ATP8B3: variants seen among roughly 807,000 people sequenced by gnomAD.
The protein encoded by ATP8B3 is ATPase phospholipid transporting 8B3, also known as phospholipid-transporting ATPase IK.
Under a neutral mutation model 140.9 loss-of-function variants are expected in ATP8B3, and 141 were observed. The ratio of observed to expected loss-of-function variants is 1.00; its 90% CI spans 0.87 to 1.15. The LOEUF (loss-of-function observed/expected upper bound fraction) is 1.15. Among genes scored for constraint, ATP8B3 ranks in the 50% most tolerant of loss-of-function variants. ATP8B3 has a pLI of 0.00. For synonymous variants in ATP8B3, 765 were observed against 714.6 expected (o/e 1.07, Z -1.13); for missense variants, 1,874 against 1,740.6 (o/e 1.08, Z -1.36).
At chr19:1,809,862 C>G in intron 3 of ATP8B3, 128 bp from the exon 4 acceptor site, 2 of 795,146 alleles carry the variant, frequency 2.5e-6, no homozygotes, top group East Asian at 2.7e-5. Flanking sequence ...TGTCAGAGCC[C>G]GTAAACAGAC....
chr19:1,789,707 C>A lies in ATP8B3; in HGVS notation c.2499G>T (p.Leu833=). The change falls in exon 23 of 29, where the codon CTG becomes CTT. Residue 833 remains leucine, a synonymous_variant. Coordinates refer to ENST00000310127, the MANE Select transcript of ATP8B3 (RefSeq NM_138813.4). ...GDFLDKLLVS[L]RKEPRALAQN... is the part of the protein sequence containing the mutation. ...GCGCCAGGGCGCGCGGCTCCTTCCGCAGGGACACCAGCAGTTTGTCCTGGC... is the reference window on the plus strand; with the variant it reads ...GCGCCAGGGCGCGCGGCTCCTTCCGAAGGGACACCAGCAGTTTGTCCTGGC... 6.3e-7 allele frequency: 1 copy of A among 1,578,998 alleles called. No homozygotes were observed. The highest frequency in any genetic ancestry group is 8.6e-7 in the Non-Finnish European group (1 of 1,165,814).
At position 1,782,991 on chromosome 19, in the gene ATP8B3, G is replaced by A. The variant is rs2068199581; in HGVS notation, c.*37C>T. 6.4e-7 allele frequency: 1 copy of A among 1,570,818 alleles called. No homozygotes were observed. The highest frequency in any genetic ancestry group is 1.2e-5 in the South Asian group (1 of 85,650). On this transcript the variant is annotated 3_prime_UTR_variant, in exon 29 of 29. Coordinates refer to ENST00000310127, the MANE Select transcript of ATP8B3 (RefSeq NM_138813.4). Reference sequence around the variant, plus strand: ...GAGGACACCTGCCCCTGTGGCTGGTGCTTCTTCTTCCCCAGGAAGGACATC... The same window carrying A: ...GAGGACACCTGCCCCTGTGGCTGGTACTTCTTCTTCCCCAGGAAGGACATC...
At chr19:1,788,787 C>T in intron 24 of ATP8B3, 110 bp downstream of exon 24, 2 of 1,088,542 alleles carry the variant, frequency 1.8e-6, no homozygotes, top group Non-Finnish European at 1.3e-6. Context: ...GCCCTGTCCA[C>T]CGAGGATCCC....
Position 1,802,601 on chromosome 19 carries a change from C to A in ATP8B3, c.949G>T (p.Val317Leu). The A allele has an allele frequency of 6.2e-7, 1 of 1,611,914 alleles. No individual in the cohort carries two copies. Among genetic ancestry groups the A allele is most frequent in the Non-Finnish European group, 8.5e-7 (1 of 1,179,610 alleles). Residue 317 changes from valine to leucine, a missense_variant, in exon 11 of 29, where the codon GTG becomes TTG. Coordinates refer to ENST00000310127, the MANE Select transcript of ATP8B3 (RefSeq NM_138813.4). ...TTGTCATTCCATTCCAGGCACCCCA[C>A]GAAGTGGTGCATCCGACTGTTAGGC... is the stretch of plus-strand genomic sequence containing the variant. ...EAPNSRMHHF[V>L]GCLEWNDKKY...
In ATP8B3 at chr19:1,807,171, G is replaced by A; in HGVS notation, c.612C>T (p.Asp204=). The A allele has an allele frequency of 6.2e-7, 1 of 1,611,720 alleles. No homozygotes were observed. Among genetic ancestry groups the A allele is most frequent in the Non-Finnish European group, 8.5e-7 (1 of 1,179,000 alleles). ...AGCTGCATCCAACAGCACTCACCAT[G>A]TCGTCCACCAGGTCCCGGGTGGCAC... ...FIRATRDLVD[D]MGRHKSDRAI... Residue 204 remains aspartate (D), a synonymous_variant, in exon 6 of 29, where the codon GAC becomes GAT. Coordinates refer to ENST00000310127, the MANE Select transcript of ATP8B3 (RefSeq NM_138813.4). This position sits in a 1 kb window ranked among gnomAD's most constrained non-coding sequence, Gnocchi z 5.9.
intron 10 of ATP8B3, among the ~76,000 whole-genome samples, chr19:1,804,676 C>T (rs572082235): frequency 2.0e-5 from 3 of 151,116 alleles, no homozygotes; most frequent in Admixed American, 1.3e-4. Context: ...AGTGGTGGCA[C>T]GCACCTGTAA....
intron 19 of ATP8B3, 22 bp downstream of exon 19, chr19:1,791,979 C>T (rs2068525553): frequency 6.3e-6 from 6 of 949,666 alleles, no homozygotes; most frequent in African/African-American, 1.7e-5. Context: ...ACCCTGAGGT[C>T]CTGCTCCATC....
In ATP8B3 at chr19:1,800,561, TGTAATCTCAGCACTTCA is replaced by T. The variant is rs962244123; in HGVS notation, c.1153-129_1153-113del. 1.0e-6 allele frequency: 1 copy of T among 978,660 alleles called. No homozygotes were observed. Among genetic ancestry groups the T allele is most frequent in the African/African-American group, 1.6e-5 (1 of 61,308 alleles). The allele number at this position is 978,660 out of a possible 1,614,324, so 60.6% of individuals were successfully genotyped here. ...GGGGCTGGGCACAGTGGCTCATGCCTGTAATCTCAGCACTTCAGGAGGCTAAGGCAGGCGGATGGCTT... is the reference window on the plus strand; with the variant it reads ...GGGGCTGGGCACAGTGGCTCATGCCTGGAGGCTAAGGCAGGCGGATGGCTT... On this transcript the variant is annotated intron_variant, in intron 12 of 28. Transcript: ENST00000310127. The surrounding 1 kb of genome is among the most constrained non-coding windows in gnomAD (Gnocchi z 4.4).
At chr19:1,795,759 C>T in intron 18 of ATP8B3, 116 bp downstream of exon 18, 2 of 1,053,440 alleles carry the variant, frequency 1.9e-6, no homozygotes, top group South Asian at 1.4e-5. Context: ...CAGTCTCCTC[C>T]CCTGCCTCCT....
In ATP8B3 at chr19:1,806,155, T is replaced by C. The variant is rs764941116; in HGVS notation, c.692A>G (p.Lys231Arg). ...ATCCCCCACGCACAGATCCTGCCAT[T>C]TCTTCTGCTTGAAGCTGCGGGGAGA... ...ILMGKSFKQK[K>R]WQDLCVGDVV... The change falls in exon 8 of 29, where the codon AAA becomes AGA. Residue 231 changes from lysine to arginine, a missense_variant. Coordinates refer to ENST00000310127, the MANE Select transcript of ATP8B3 (RefSeq NM_138813.4). This position sits in a 1 kb window ranked among gnomAD's most constrained non-coding sequence, Gnocchi z 5.6. The C allele has an allele frequency of 6.3e-6, 10 of 1,596,632 alleles. No homozygotes were observed. In the South Asian group the frequency reaches 1.1e-4, roughly 18 times the overall value.
chr19:1,798,856 G>C (rs2083738287), intron 14 of ATP8B3: 1 of 151,938 alleles, frequency 6.6e-6, no homozygotes, highest in Non-Finnish European at 1.5e-5. Flanking sequence ...CAAAAGAAGA[G>C]CAGTGGCCGG....
intron 18 of ATP8B3, among the ~76,000 whole-genome samples, chr19:1,795,524 C>T (rs12463273): frequency 6.6e-6 from 1 of 152,122 alleles, no homozygotes; most frequent in African/African-American, 2.4e-5. Context: ...GCACTCCAGC[C>T]TGGGCGACAG....
At chr19:1,793,844 G>A in intron 18 of ATP8B3, among the ~76,000 whole-genome samples, 1 of 152,116 alleles carries the variant, frequency 6.6e-6, no homozygotes, top group Non-Finnish European at 1.5e-5. Flanking sequence ...CCGGGTTCAA[G>A]CGATTCTCCT....
At position 1,800,593 on chromosome 19, in the gene ATP8B3, G is replaced by T. The variant is rs888288583; in HGVS notation, c.1153-144C>A. The stretch of plus-strand genomic sequence containing the variant: ...TCAGCACTTCAGGAGGCTAAGGCAG[G>T]CGGATGGCTTGACGTCAGGAGTTCA... On this transcript the variant is annotated intron_variant, in intron 12 of 28. Coordinates refer to ENST00000310127, the MANE Select transcript of ATP8B3 (RefSeq NM_138813.4). The surrounding 1 kb of genome is among the most constrained non-coding windows in gnomAD (Gnocchi z 4.4). 14 of 742,186 alleles carry T rather than the reference G, an allele frequency of 1.9e-5. No homozygotes were observed. The highest frequency in any genetic ancestry group is 3.0e-5 in the Non-Finnish European group (14 of 459,512). The allele number at this position is 742,186 out of a possible 1,614,324, so 46.0% of individuals were successfully genotyped here. A position where few individuals can be genotyped will look rare whatever the true frequency, so the allele number is the denominator to read the frequency against.
At position 1,808,276 on chromosome 19, in the gene ATP8B3, G is replaced by T. The variant is rs61739534; in HGVS notation, c.462C>A (p.Tyr154Ter). Residue 154 changes from tyrosine to a stop codon, truncating the protein, a stop_gained, in exon 5 of 29, where the codon TAC becomes TAA. Coordinates refer to ENST00000310127, the MANE Select transcript of ATP8B3 (RefSeq NM_138813.4). LOFTEE classifies it high-confidence loss of function. ...NFYSFLPLNL[Y>*]EQFHRVSNLF... ...GGTTGGACACGCGGTGGAACTGCTCGTACAGGTTCAGCGGCAGGAACGAGT... is the reference window on the plus strand; with the variant it reads ...GGTTGGACACGCGGTGGAACTGCTCTTACAGGTTCAGCGGCAGGAACGAGT... 6.2e-7 allele frequency: 1 copy of T among 1,613,122 alleles called. No individual in the cohort carries two copies. The highest frequency in any genetic ancestry group is 2.2e-5 in the East Asian group (1 of 44,876).
rs2069047824 is a variant in ATP8B3 at position 1,807,109 on chromosome 19, G to A, written c.615+59C>T. 2 of 1,472,372 alleles carry A rather than the reference G, an allele frequency of 1.4e-6. No individual in the cohort carries two copies. Among genetic ancestry groups the A allele is most frequent in the Non-Finnish European group, 1.9e-6 (2 of 1,055,816 alleles). The allele number at this position is 1,472,372 out of a possible 1,614,324, so 91.2% of individuals were successfully genotyped here. A position where few individuals can be genotyped will look rare whatever the true frequency, so the allele number is the denominator to read the frequency against. On this transcript the variant is annotated intron_variant, in intron 6 of 28. Transcript: ENST00000310127. The surrounding 1 kb of genome is among the most constrained non-coding windows in gnomAD (Gnocchi z 5.9). ...CCTCCCACTCTCGCCCAGGGATCAA[G>A]AGACCCCCCCGACCGGCCCCGCTCC...
At position 1,789,058 on chromosome 19, in the gene ATP8B3, A is replaced by C; in HGVS notation, c.2908T>G (p.Phe970Val). ...AGGAAGCAGAACTGGCCGAGCACGA[A>C]GTCGCTGTTCTGAACTGCCTGCATG... is the stretch of plus-strand genomic sequence containing the variant. ...EGMQAVQNSD[F>V]VLGQFCFLQR... Residue 970 changes from phenylalanine to valine, a missense_variant, in exon 24 of 29, where the codon TTC (phenylalanine) becomes GTC (valine). Around this residue, in one of 3 missense-constraint regions of ATP8B3, gnomAD observed 840 missense variants for 760.9 expected, o/e 1.10. Coordinates refer to ENST00000310127, the MANE Select transcript of ATP8B3 (RefSeq NM_138813.4). 1 of 1,602,706 alleles carries C rather than the reference A, an allele frequency of 6.2e-7. No individual in the cohort carries two copies. Among genetic ancestry groups the C allele is most frequent in the East Asian group, 2.2e-5 (1 of 44,490 alleles).
intron 5 of ATP8B3, 32 bp downstream of exon 5, chr19:1,808,190 G>A: frequency 6.5e-7 from 1 of 1,538,984 alleles, no homozygotes; most frequent in Non-Finnish European, 8.9e-7. Flanking sequence ...GGTGGCTAGG[G>A]GGGACTTCCT....
intron 12 of ATP8B3, among the ~76,000 whole-genome samples, chr19:1,801,431 A>C (rs575075418): frequency 3.8e-4 from 58 of 152,296 alleles, no homozygotes; most frequent in African/African-American, 1.3e-3. Context: ...GATTACAGGC[A>C]TGAGCCATCT....
Sources: gnomAD v4.1 joint callset for allele counts (sites outside exome capture counted in the v4.1 genomes callset) on GRCh38, gnomAD v4.1.1 for gene constraint, gnomAD v4.1.1 regional missense constraint, Gnocchi (gnomAD v3.1) non-coding constraint, MANE v1.5 for transcripts, NCBI Gene and HGNC (gene_info 2026-07-23, HGNC 2026-07-21) for gene names.